BCL11B: variants seen among roughly 807,000 people sequenced by gnomAD.
BCL11B encodes the protein B-cell lymphoma/leukemia 11B.
Under a neutral mutation model 49.9 loss-of-function variants are expected in BCL11B, and 8 were observed. The observed-to-expected ratio is 0.16, with a 90% CI of 0.09 to 0.29. The LOEUF (loss-of-function observed/expected upper bound fraction) is 0.29, where lower values mean the gene tolerates loss of function less well. Among genes scored for constraint, BCL11B ranks in the 10% least tolerant of loss-of-function variants. The probability of loss-of-function intolerance (pLI) is 1.00; values close to 1 mark genes in which losing one functional copy is unlikely to be tolerated. For missense variants in BCL11B, 1,006 were observed against 1,351.0 expected (o/e 0.74, Z 4.00); for synonymous variants, 739 against 637.4 (o/e 1.16, Z -2.40).
In BCL11B at chr14:99,248,010, G is replaced by A. The variant is rs1474782999; in HGVS notation, c.427+9461C>T. On this transcript the variant is annotated intron_variant, in intron 2 of 3. Coordinates refer to ENST00000357195, the MANE Select transcript of BCL11B (RefSeq NM_138576.4). This position sits in a 1 kb window ranked among gnomAD's most constrained non-coding sequence, Gnocchi z 4.7. Reference sequence around the variant, plus strand: ...GCTGCCTTTTCTCCACACCAGGAGTGGGGGAGTCTGACTTTTCACCTCCAA... The same window carrying A: ...GCTGCCTTTTCTCCACACCAGGAGTAGGGGAGTCTGACTTTTCACCTCCAA... Among the ~76,000 whole-genome samples, 1 of 152,168 alleles carries A rather than the reference G, an allele frequency of 6.6e-6. No individual in the cohort carries two copies. Among genetic ancestry groups the A allele is most frequent in the Admixed American group, 6.5e-5 (1 of 15,284 alleles).
chr14:99,188,932 G>A (rs1286141523), intron 3 of BCL11B, among the ~76,000 whole-genome samples: 13 of 152,240 alleles, frequency 8.5e-5, no homozygotes, highest in Non-Finnish European at 1.5e-4. Context: ...ATCAGCCAGT[G>A]AATGTTCTTT....
intron 2 of BCL11B, among the ~76,000 whole-genome samples, chr14:99,250,584 G>A (rs1888979776): frequency 6.6e-6 from 1 of 152,096 alleles, no homozygotes; most frequent in Non-Finnish European, 1.5e-5. Flanking sequence ...AGACCTGGTG[G>A]TTAATTCATT....
At chr14:99,229,551 G>A (rs1035781618) in intron 3 of BCL11B, among the ~76,000 whole-genome samples, 1 of 152,208 alleles carries the variant, frequency 6.6e-6, no homozygotes, top group African/African-American at 2.4e-5. Context: ...AAATGGGGAT[G>A]GTAACAGCTC....
chr14:99,203,395 G>T (rs1283648537), intron 3 of BCL11B, among the ~76,000 whole-genome samples: 1 of 152,186 alleles, frequency 6.6e-6, no homozygotes, highest in African/African-American at 2.4e-5. Context: ...TGACATGCAT[G>T]CCTGGGGCCA....
intron 3 of BCL11B, among the ~76,000 whole-genome samples, chr14:99,179,473 TAAAAA>T (rs35703913): frequency 1.3e-4 from 7 of 54,566 alleles, no homozygotes; most frequent in East Asian, 7.1e-4. Flanking sequence ...GAATCCATCT[TAAAAA>T]AAAAAAAAAA....
Position 99,192,122 on chromosome 14 carries a change from A to G in BCL11B, c.641-15927T>C, listed in dbSNP as rs1887049163. Reference sequence around the variant, plus strand: ...GGAGTGATTCTTCTTAGTTGTAGAAACACTCCAAATCAGAAAGTCAATTTT... The same window carrying G: ...GGAGTGATTCTTCTTAGTTGTAGAAGCACTCCAAATCAGAAAGTCAATTTT... On this transcript the variant is annotated intron_variant, in intron 3 of 3. Transcript: ENST00000357195. The surrounding 1 kb of genome is among the most constrained non-coding windows in gnomAD (Gnocchi z 4.0). Among the ~76,000 whole-genome samples, 1 of 152,192 alleles carries G rather than the reference A, an allele frequency of 6.6e-6. No individual in the cohort carries two copies. Among genetic ancestry groups the G allele is most frequent in the Non-Finnish European group, 1.5e-5 (1 of 68,038 alleles).
At position 99,271,515 on chromosome 14, in the gene BCL11B, C is replaced by CAA. The variant is rs142600683; in HGVS notation, c.-299_-298dup. 46,179 of 172,460 alleles carry CAA rather than the reference C, an allele frequency of 0.27. 6,994 individuals are homozygous for CAA. The highest frequency in any genetic ancestry group is 0.38 in the Non-Finnish European group (31,551 of 84,132). The allele number at this position is 172,460 out of a possible 1,614,324, so 10.7% of individuals were successfully genotyped here. ...CTCGATCTAAAATAAGAAAAAGAGG[C>CAA]AAAAAAAAAAAAAACTGCTGTTGCT... On this transcript the variant is annotated 5_prime_UTR_variant, in exon 1 of 4. Coordinates refer to ENST00000357195, the MANE Select transcript of BCL11B (RefSeq NM_138576.4).
In BCL11B at chr14:99,231,336, G is replaced by T. The variant is rs751709691; in HGVS notation, c.640+9C>A. ...GGGGCCCGCCCCCCACCGCGGCGTC[G>T]TCTGTTACCTGACAACTGACACTGG... On this transcript the variant is annotated intron_variant, in intron 3 of 3. Transcript: ENST00000357195. This position sits in a 1 kb window ranked among gnomAD's most constrained non-coding sequence, Gnocchi z 8.1. The T allele has an allele frequency of 6.2e-7, 1 of 1,608,950 alleles. No individual in the cohort carries two copies. Among genetic ancestry groups the T allele is most frequent in the African/African-American group, 1.3e-5 (1 of 74,858 alleles).
At chr14:99,197,613 C>A (rs1887214929) in intron 3 of BCL11B, among the ~76,000 whole-genome samples, 1 of 152,104 alleles carries the variant, frequency 6.6e-6, no homozygotes, top group Non-Finnish European at 1.5e-5. Flanking sequence ...CGCCTCCTAT[C>A]TAATAAGGTT....
rs1889696948 is a variant in BCL11B, at chr14:99,271,738, T to A, written c.-520A>T. ...ACTTCTACCAGGAGGGGAAAAAAAATGCAAACAAATAAAAAAATAAAAGAA... is the reference window on the plus strand; with the variant it reads ...ACTTCTACCAGGAGGGGAAAAAAAAAGCAAACAAATAAAAAAATAAAAGAA... On this transcript the variant is annotated 5_prime_UTR_variant, in exon 1 of 4. Coordinates refer to ENST00000357195, the MANE Select transcript of BCL11B (RefSeq NM_138576.4). Among the ~76,000 whole-genome samples the A allele has an allele frequency of 2.1e-5, 3 of 145,068 alleles. No individual in the cohort carries two copies. Among genetic ancestry groups the A allele is most frequent in the South Asian group, 4.4e-4 (2 of 4,566 alleles).
Position 99,241,462 on chromosome 14 carries a change from A to C in BCL11B, c.428-9905T>G, listed in dbSNP as rs1475361804. ...GCCTCAGAGACTAAACAGACACAAA[A>C]CCCAAAAGAAAAAGAAAAAAAAAAA... On this transcript the variant is annotated intron_variant, in intron 2 of 3. Transcript: ENST00000357195. The surrounding 1 kb of genome is among the most constrained non-coding windows in gnomAD (Gnocchi z 4.4). Among the ~76,000 whole-genome samples, 2 of 151,278 alleles carry C rather than the reference A, an allele frequency of 1.3e-5. No homozygotes were observed. Among genetic ancestry groups the C allele is most frequent in the African/African-American group, 2.4e-5 (1 of 41,074 alleles).
chr14:99,188,893 C>T (rs1020753397), intron 3 of BCL11B, among the ~76,000 whole-genome samples: 8 of 152,258 alleles, frequency 5.3e-5, no homozygotes, highest in Non-Finnish European at 1.0e-4. Flanking sequence ...AGAGTAACTC[C>T]AGCCAGCTTG....
At chr14:99,178,111 G>A (rs970574746) in intron 3 of BCL11B, among the ~76,000 whole-genome samples, 2 of 152,234 alleles carry the variant, frequency 1.3e-5, no homozygotes, top group Non-Finnish European at 1.5e-5. Flanking sequence ...CTCCCCCCGC[G>A]ACCTCAGAAC....
chr14:99,240,800 G>A (rs1346346686), intron 2 of BCL11B, among the ~76,000 whole-genome samples: 1 of 152,210 alleles, frequency 6.6e-6, no homozygotes, highest in Non-Finnish European at 1.5e-5. Flanking sequence ...AAGATTGTTA[G>A]CACATTAACG....
At chr14:99,258,036 C>A (rs1889224877) in intron 1 of BCL11B, among the ~76,000 whole-genome samples, 197 bp from the exon 2 acceptor site, 1 of 152,202 alleles carries the variant, frequency 6.6e-6, no homozygotes, top group East Asian at 1.9e-4. Flanking sequence ...CACACTGAGG[C>A]TCTAGGAGCA....
intron 3 of BCL11B, among the ~76,000 whole-genome samples, chr14:99,219,521 G>T (rs895204620): frequency 1.3e-5 from 2 of 151,916 alleles, no homozygotes; most frequent in Non-Finnish European, 2.9e-5. Flanking sequence ...GTCCCTCCCC[G>T]CCCAGCCAAG....
intron 1 of BCL11B, among the ~76,000 whole-genome samples, chr14:99,270,632 C>T (rs1889641357): frequency 6.6e-6 from 1 of 151,966 alleles, no homozygotes; most frequent in Admixed American, 6.5e-5. Context: ...ACCGGGGACC[C>T]GGAGCCGGCG....
chr14:99,187,510 C>T (rs1300413260), intron 3 of BCL11B, among the ~76,000 whole-genome samples: 4 of 152,050 alleles, frequency 2.6e-5, no homozygotes, highest in Admixed American at 2.6e-4. Context: ...TTGATGGTGA[C>T]GTTCCCCCAC....
intron 3 of BCL11B, among the ~76,000 whole-genome samples, chr14:99,217,165 C>A (rs935879990): frequency 6.6e-6 from 1 of 152,114 alleles, no homozygotes; most frequent in African/African-American, 2.4e-5. Context: ...CACATATATA[C>A]AAATATGTAT....
Sources: gnomAD v4.1 joint callset for allele counts (sites outside exome capture counted in the v4.1 genomes callset) on GRCh38, gnomAD v4.1.1 for gene constraint, Gnocchi (gnomAD v3.1) non-coding constraint, MANE v1.5 for transcripts, NCBI Gene and HGNC (gene_info 2026-07-23, HGNC 2026-07-21) for gene names.